The following C9orf85 variants were observed in gnomAD, a reference collection of about 807,000 sequenced individuals.
C9orf85 encodes the protein chromosome 9 open reading frame 85.
In C9orf85, 16 loss-of-function variants were observed where a neutral mutation model predicts 14.9. The ratio of observed to expected loss-of-function variants is 1.08; its 90% confidence interval spans 0.73 to 1.63. The LOEUF (loss-of-function observed/expected upper bound fraction) is 1.63, where lower values mean the gene tolerates loss of function less well. C9orf85 is among the 40% of genes most tolerant of loss of function. C9orf85 has a pLI of 0.00. For missense variants in C9orf85, 172 were observed against 186.1 expected, an observed-to-expected ratio of 0.92 and a Z score of 0.44; for synonymous variants, 45 against 56.8, an observed-to-expected ratio of 0.79 and a Z score of 0.93.
At chr9:71,939,648 G>C (rs865949297) in intron 1 of C9orf85, among the ~76,000 whole-genome samples, 66 of 152,184 alleles carry the variant, frequency 4.3e-4, no homozygotes, top group African/African-American at 1.5e-3. Flanking sequence ...AGAGGAATTA[G>C]AATAGCCAAA....
At chr9:71,969,269 C>T (rs950879870) in intron 2 of C9orf85, among the ~76,000 whole-genome samples, 3 of 152,110 alleles carry the variant, frequency 2.0e-5, no homozygotes, top group Non-Finnish European at 4.4e-5. Flanking sequence ...CTGTCTCAGC[C>T]TCCCAAGTAG....
chr9:71,956,311 G>A (rs993547989), intron 2 of C9orf85, among the ~76,000 whole-genome samples: 1 of 139,464 alleles, frequency 7.2e-6, no homozygotes, highest in African/African-American at 2.7e-5. Flanking sequence ...AGTGTAATGC[G>A]CGATCTTGGC....
intron 1 of C9orf85, among the ~76,000 whole-genome samples, chr9:71,937,744 C>T (rs1282512824): frequency 6.6e-6 from 1 of 151,964 alleles, no homozygotes; most frequent in African/African-American, 2.4e-5. Flanking sequence ...TCTATATCAC[C>T]TATACTTTAG....
chr9:71,918,458 G>A, intron 1 of C9orf85: 1 of 1,303,092 alleles, frequency 7.7e-7, no homozygotes, highest in Non-Finnish European at 1.0e-6. Flanking sequence ...TGATGTTTGA[G>A]TTTGTCTCCC....
At chr9:71,913,595 A>G (rs1827572417) in intron 1 of C9orf85, among the ~76,000 whole-genome samples, 1 of 152,214 alleles carries the variant, frequency 6.6e-6, no homozygotes, top group Non-Finnish European at 1.5e-5. Context: ...CCCATTATCA[A>G]TAGGTAAACC....
intron 1 of C9orf85, among the ~76,000 whole-genome samples, chr9:71,930,377 G>A (rs1286179770): frequency 6.6e-6 from 1 of 152,132 alleles, no homozygotes; most frequent in Non-Finnish European, 1.5e-5. Flanking sequence ...GATATTCTCT[G>A]TTGGAAGATA....
rs186116516 is a variant in C9orf85, at chr9:71,949,853, G to A, written c.209+2741G>A. Among the ~76,000 whole-genome samples the A allele has an allele frequency of 1.4e-3, 216 of 152,264 alleles. 2 individuals are homozygous for A. The highest frequency in any genetic ancestry group is 5.0e-3 in the African/African-American group (207 of 41,534). On this transcript the variant is annotated intron_variant, in intron 2 of 3. Transcript: ENST00000334731. ...ACTGTTCCTCTGTTTTTAGAGATAAGCATGGTCCTTTCCTCTAGGTATAGG... is the reference window on the plus strand; with the variant it reads ...ACTGTTCCTCTGTTTTTAGAGATAAACATGGTCCTTTCCTCTAGGTATAGG...
At chr9:71,963,517 G>A (rs867881695) in intron 2 of C9orf85, among the ~76,000 whole-genome samples, 14 of 152,336 alleles carry the variant, frequency 9.2e-5, no homozygotes, top group African/African-American at 2.4e-4. Context: ...GCCAGCTCCC[G>A]CAGCTTGCAG....
chr9:71,964,901 G>A (rs942313195), intron 2 of C9orf85, among the ~76,000 whole-genome samples: 71 of 152,142 alleles, frequency 4.7e-4, no homozygotes, highest in Non-Finnish European at 2.5e-4. Flanking sequence ...GGACGAACCC[G>A]GGCACTTAGC....
At chr9:71,976,690 G>C (rs1192629787), downstream of C9orf85, among the ~76,000 whole-genome samples, 1 of 149,808 alleles carries the variant, frequency 6.7e-6, no homozygotes, top group East Asian at 2.0e-4. Context: ...CTTATTCCTG[G>C]GATATTGTGG....
At chr9:71,940,857 A>G (rs1247930613) in intron 1 of C9orf85, among the ~76,000 whole-genome samples, 2 of 152,234 alleles carry the variant, frequency 1.3e-5, no homozygotes, top group Non-Finnish European at 2.9e-5. Flanking sequence ...AATTTATACA[A>G]TGGAATACTA....
chr9:71,930,098 T>G (rs1225774990), intron 1 of C9orf85, among the ~76,000 whole-genome samples: 5 of 151,924 alleles, frequency 3.3e-5, no homozygotes, highest in African/African-American at 9.7e-5. Flanking sequence ...TTATTTAGTT[T>G]GCTATTATTT....
chr9:71,967,756 G>A (rs191762635), intron 2 of C9orf85, among the ~76,000 whole-genome samples: 5 of 134,034 alleles, frequency 3.7e-5, no homozygotes, highest in African/African-American at 1.5e-4. Flanking sequence ...GCACTGCCTA[G>A]GACCTCCAAT....
chr9:71,960,815 G>A (rs748352479), intron 2 of C9orf85, among the ~76,000 whole-genome samples: 10 of 151,616 alleles, frequency 6.6e-5, no homozygotes, highest in Non-Finnish European at 1.2e-4. Flanking sequence ...GATTACAGGC[G>A]CAAGCCACCA....
At chr9:71,982,632 CTTTTTTTT>C (rs56038535) in intron 3 of C9orf85, 93 of 247,648 alleles carry the variant, frequency 3.8e-4, no homozygotes, top group Admixed American at 8.6e-4. Flanking sequence ...TTGTATATTT[CTTTTTTTT>C]TTTTTTTTTT....
chr9:71,916,659 A>G (rs767700614), intron 1 of C9orf85, among the ~76,000 whole-genome samples: 1 of 152,222 alleles, frequency 6.6e-6, no homozygotes, highest in Non-Finnish European at 1.5e-5. Flanking sequence ...TAGTTTTATT[A>G]ATACAAGTTG....
intron 3 of C9orf85, among the ~76,000 whole-genome samples, chr9:71,980,016 CTTTT>C (rs11311141): frequency 4.8e-5 from 5 of 104,492 alleles, no homozygotes; most frequent in Admixed American, 9.8e-5. Flanking sequence ...TTTCTTTTTT[CTTTT>C]TTTTTTTTTT....
At chr9:71,943,464 T>C (rs1589257275) in intron 1 of C9orf85, among the ~76,000 whole-genome samples, 1 of 152,184 alleles carries the variant, frequency 6.6e-6, no homozygotes, top group Non-Finnish European at 1.5e-5. Flanking sequence ...AGCATGTTGA[T>C]ACAGATATAA....
At chr9:71,918,277 TA>T (rs1827705166) in intron 1 of C9orf85, 2 of 377,384 alleles carry the variant, frequency 5.3e-6, no homozygotes, top group South Asian at 4.7e-5. Flanking sequence ...GAAGGAACAC[TA>T]ATTATATTAG....
Sources: gnomAD v4.1 joint callset for allele counts (sites outside exome capture counted in the v4.1 genomes callset) on GRCh38, gnomAD v4.1.1 for gene constraint, MANE v1.5 for transcripts, NCBI Gene and HGNC (gene_info 2026-07-23, HGNC 2026-07-21) for gene names.